Variants in SLC25A14 observed in about 807,000 individuals in gnomAD.
The protein encoded by SLC25A14 is solute carrier family 25 member 14.
A neutral mutation model predicts 28.1 loss-of-function variants in SLC25A14; 8 were observed. The ratio of observed to expected loss-of-function variants is 0.28; its 90% confidence interval spans 0.17 to 0.51. The LOEUF is 0.51. SLC25A14 is among the 20% of genes least tolerant of loss of function. SLC25A14 has a pLI of 0.97. For synonymous variants in SLC25A14, 74 were observed against 90.6 expected (o/e 0.82, Z 1.04); for missense variants, 135 against 263.8 (o/e 0.51, Z 3.38).
At position 130,349,341 on chromosome X, in the gene SLC25A14, A is replaced by G; in HGVS notation, c.408A>G (p.Leu136=). ...QSLKRLFVER[L]EDETLLINMI... ...TGAAGCGCTTATTCGTAGAACGTTT[A>G]GAAGGTCAGTATACTTACCCTCTTT... Residue 136 remains leucine, a synonymous_variant, in exon 5 of 11, where the codon TTA becomes TTG. Transcript: ENST00000545805. 8.7e-7 allele frequency: 1 copy of G among 1,143,965 alleles called. No individual in the cohort carries two copies. Among genetic ancestry groups the G allele is most frequent in the Non-Finnish European group, 1.2e-6 (1 of 837,348 alleles). 94.3% of individuals were successfully genotyped at this position (1,143,965 alleles called of 1,213,427 possible).
chrX:130,372,447 A>T (rs2034285656), intron 10 of SLC25A14, among the ~76,000 whole-genome samples: 1 of 83,539 alleles, frequency 1.2e-5, no homozygotes, highest in African/African-American at 3.9e-5. Context: ...GTGGTGTTTT[A>T]TTTATTTATT....
At chrX:130,352,845 T>C in intron 6 of SLC25A14, among the ~76,000 whole-genome samples, 1 of 112,518 alleles carries the variant, frequency 8.9e-6, no homozygotes. Flanking sequence ...GTGAATATTT[T>C]CTCCCATTCT....
rs182829865 is a variant in SLC25A14, at chrX:130,361,672, G to C, written c.594+2937G>C. Among the ~76,000 whole-genome samples the C allele has an allele frequency of 2.5e-3, 279 of 111,761 alleles. 1 individual carries two copies. Among genetic ancestry groups the C allele is most frequent in the Admixed American group, 2.0e-3 (21 of 10,520 alleles). On this transcript the variant is annotated intron_variant, in intron 7 of 10. Transcript: ENST00000545805. ...AGCACTTACCACAGAGTTGGAGAGA[G>C]AGTAGCATGGTGGGGACTGTGGTCC...
intron 7 of SLC25A14, among the ~76,000 whole-genome samples, chrX:130,364,290 G>A (rs2034057908): frequency 1.8e-5 from 2 of 111,267 alleles, no homozygotes; most frequent in Admixed American, 1.9e-4. Context: ...ATATATGAGC[G>A]GCAAATGTTT....
rs763300811 is a variant in SLC25A14, at chrX:130,364,460, T to C, written c.595-168T>C. ...TTTTATTTTTAGTATAGCAAGTGAATTGGAAATTTGTATATGTTCCATTAT... is the reference window on the plus strand; with the variant it reads ...TTTTATTTTTAGTATAGCAAGTGAACTGGAAATTTGTATATGTTCCATTAT... On this transcript the variant is annotated intron_variant, in intron 7 of 10. Transcript: ENST00000545805. 7.2e-5 allele frequency among the ~76,000 whole-genome samples: 8 copies of C among 111,609 alleles called. No individual in the cohort carries two copies. In the East Asian group the frequency reaches 2.2e-3, roughly 31 times the overall value.
chrX:130,372,532 G>A (rs7056427), intron 10 of SLC25A14, among the ~76,000 whole-genome samples: 42,857 of 105,830 alleles, frequency 0.4, 6,516 homozygotes, highest in Non-Finnish European at 0.45. Flanking sequence ...GCGCGATCTC[G>A]GCTCACTGCA....
chrX:130,367,155 G>A lies in SLC25A14; in HGVS notation c.855+1479G>A, dbSNP rs551213482. ...TGGAGACCACACTTGGAGAACCACTGACCTACAGATAGGGAAGCTGATTAG... is the reference window on the plus strand; with the variant it reads ...TGGAGACCACACTTGGAGAACCACTAACCTACAGATAGGGAAGCTGATTAG... On this transcript the variant is annotated intron_variant, in intron 9 of 10. Transcript: ENST00000545805. Among the ~76,000 whole-genome samples, 3 of 112,094 alleles carry A rather than the reference G, an allele frequency of 2.7e-5. No homozygotes were observed. The East Asian group carries it at 8.4e-4, about 31-fold the overall frequency.
At chrX:130,340,380 T>C in intron 2 of SLC25A14, 27 bp downstream of exon 2, 1 of 1,208,723 alleles carries the variant, frequency 8.3e-7, no homozygotes, top group African/African-American at 1.7e-5. Flanking sequence ...ATTGTATTAG[T>C]GTAAGGGATA....
chrX:130,345,440 A>G (rs1025110586), intron 3 of SLC25A14, among the ~76,000 whole-genome samples, 165 bp downstream of exon 3: 6 of 111,978 alleles, frequency 5.4e-5, no homozygotes, highest in Non-Finnish European at 1.1e-4. Flanking sequence ...TACTGATGGT[A>G]TGGCAGATGA....
intron 6 of SLC25A14, among the ~76,000 whole-genome samples, chrX:130,356,660 A>G (rs1050595647): frequency 7.2e-5 from 8 of 111,870 alleles, no homozygotes; most frequent in Non-Finnish European, 1.5e-4. Flanking sequence ...ACTTGGTTCC[A>G]TGGCTACATC....
intron 7 of SLC25A14, among the ~76,000 whole-genome samples, chrX:130,361,462 C>T (rs1002596718): frequency 3.6e-5 from 4 of 112,458 alleles, no homozygotes; most frequent in African/African-American, 1.3e-4. Context: ...GTTTTATTTG[C>T]ATGTTAAAAA....
intron 6 of SLC25A14, among the ~76,000 whole-genome samples, chrX:130,352,250 G>C (rs1387428747): frequency 8.9e-6 from 1 of 111,980 alleles, no homozygotes; most frequent in Non-Finnish European, 1.9e-5. Flanking sequence ...ACATGATTTT[G>C]TTCTTTTTTA....
chrX:130,344,135 G>A (rs2033350984), intron 2 of SLC25A14, among the ~76,000 whole-genome samples: 1 of 112,589 alleles, frequency 8.9e-6, no homozygotes, highest in Non-Finnish European at 1.9e-5. Flanking sequence ...ACTTTCAGAT[G>A]GACCAGGATT....
At chrX:130,346,435 A>G in intron 3 of SLC25A14, 109 bp from the exon 4 acceptor site, 1 of 633,112 alleles carries the variant, frequency 1.6e-6, no homozygotes, top group Non-Finnish European at 2.5e-6. Flanking sequence ...TCTATGTGTT[A>G]TAAAAAGGAC....
chrX:130,351,821 T>G (rs1411064552), intron 6 of SLC25A14, among the ~76,000 whole-genome samples: 1 of 111,864 alleles, frequency 8.9e-6, no homozygotes, highest in African/African-American at 3.2e-5. Flanking sequence ...AATAAACCAC[T>G]GGTGGTTGAT....
chrX:130,369,289 T>TA (rs1327341353), intron 9 of SLC25A14, among the ~76,000 whole-genome samples: 70 of 104,743 alleles, frequency 6.7e-4, no homozygotes, highest in African/African-American at 1.3e-3. Context: ...GTTTCTTAAT[T>TA]AAAAAAAAAA....
chrX:130,342,214 G>C (rs2033281079), intron 2 of SLC25A14, among the ~76,000 whole-genome samples: 1 of 111,719 alleles, frequency 9.0e-6, no homozygotes, highest in Non-Finnish European at 1.9e-5. Context: ...ATATAGAAGG[G>C]ATAAAAGAAG....
intron 7 of SLC25A14, among the ~76,000 whole-genome samples, chrX:130,360,231 T>A (rs5977243): frequency 0.064 from 7,090 of 110,459 alleles, 578 homozygotes; most frequent in African/African-American, 0.22. Context: ...TTGTGTTTGT[T>A]TCTCTATCTT....
At chrX:130,365,149 A>C in intron 8 of SLC25A14, 4 of 809,596 alleles carry the variant, frequency 4.9e-6, no homozygotes, top group Non-Finnish European at 5.9e-6. Flanking sequence ...TTTTGGCTAA[A>C]GACTGTTACT....
Sources: allele counts gnomAD v4.1 joint callset (sites outside exome capture counted in the v4.1 genomes callset), GRCh38; gene constraint gnomAD v4.1.1; transcripts MANE v1.5; gene names NCBI Gene and HGNC (gene_info 2026-07-23, HGNC 2026-07-21).